RBM6: variants seen among roughly 807,000 people sequenced by gnomAD.
The protein encoded by RBM6 is RNA binding motif protein 6.
In RBM6, 23 loss-of-function variants were observed where a neutral mutation model predicts 140.4. The observed-to-expected ratio is 0.16, with a 90% CI of 0.12 to 0.23. The LOEUF is 0.23. RBM6 is among the 10% of genes least tolerant of loss of function. The pLI, the probability that RBM6 is intolerant of heterozygous loss-of-function variation, is 1.00. For synonymous variants in RBM6, 439 were observed against 475.6 expected, an observed-to-expected ratio of 0.92 and a Z score of 1.00; for missense variants, 1,139 against 1,386.7, an observed-to-expected ratio of 0.82 and a Z score of 2.84.
chr3:50,059,773 G>A (rs764828610), intron 11 of RBM6, 27 bp downstream of exon 11: 30 of 1,561,014 alleles, frequency 1.9e-5, no homozygotes, highest in Non-Finnish European at 2.5e-5. Flanking sequence ...AGGATCTCTT[G>A]TGCTGCCCCC....
At chr3:50,066,194 CA>C in intron 16 of RBM6, 47 bp from the exon 17 acceptor site, 1 of 1,550,126 alleles carries the variant, frequency 6.5e-7, no homozygotes, top group Admixed American at 2.0e-5. Context: ...AAATGGACCC[CA>C]AAATATAGGT....
intron 6 of RBM6, among the ~76,000 whole-genome samples, chr3:50,001,711 A>G (rs1342937194): frequency 1.3e-5 from 2 of 152,116 alleles, no homozygotes; most frequent in African/African-American, 2.4e-5. Flanking sequence ...GGAGAGAAGA[A>G]AAAAGCTTCC....
chr3:50,037,212 C>T (rs1477281111), intron 6 of RBM6, among the ~76,000 whole-genome samples: 1 of 152,030 alleles, frequency 6.6e-6, no homozygotes, highest in African/African-American at 2.4e-5. Context: ...CCAGCCGGGG[C>T]ATCATAGGAA....
At chr3:50,074,814 CAG>C (rs996729493) in intron 19 of RBM6, among the ~76,000 whole-genome samples, 18 of 152,008 alleles carry the variant, frequency 1.2e-4, no homozygotes, top group African/African-American at 3.6e-4. Context: ...ATCAAGAGGA[CAG>C]AGATTTTATA....
At chr3:50,049,538 A>C (rs1170182090) in intron 7 of RBM6, among the ~76,000 whole-genome samples, 1 of 152,162 alleles carries the variant, frequency 6.6e-6, no homozygotes, top group Non-Finnish European at 1.5e-5. Context: ...GACACACTAA[A>C]AATGTTACAG....
At chr3:49,972,241 A>G in intron 4 of RBM6, 93 bp downstream of exon 4, 1 of 959,294 alleles carries the variant, frequency 1.0e-6, no homozygotes, top group Non-Finnish European at 1.6e-6. Flanking sequence ...AGAAGGTGCA[A>G]AGAAATGCAC....
At chr3:49,951,006 T>A (rs1295456440) in intron 1 of RBM6, among the ~76,000 whole-genome samples, 4 of 151,996 alleles carry the variant, frequency 2.6e-5, no homozygotes, top group Non-Finnish European at 5.9e-5. Flanking sequence ...AACTGAAAAA[T>A]TATTCAGTGT....
chr3:50,008,741 G>A (rs2086701925), intron 6 of RBM6, among the ~76,000 whole-genome samples: 1 of 151,894 alleles, frequency 6.6e-6, no homozygotes, highest in Non-Finnish European at 1.5e-5. Flanking sequence ...AGTAGAGATG[G>A]GGTTTCACCA....
At chr3:50,039,409 T>C (rs1360597486) in intron 6 of RBM6, among the ~76,000 whole-genome samples, 1 of 151,972 alleles carries the variant, frequency 6.6e-6, no homozygotes, top group African/African-American at 2.4e-5. Context: ...CCAGCTAATT[T>C]TGTACTTGTA....
At position 50,062,026 on chromosome 3, in the gene RBM6, C is replaced by G; in HGVS notation, c.2504C>G (p.Pro835Arg). 6.2e-7 allele frequency: 1 copy of G among 1,613,768 alleles called. No homozygotes were observed. Among genetic ancestry groups the G allele is most frequent in the Non-Finnish European group, 8.5e-7 (1 of 1,179,888 alleles). The change falls in exon 15 of 21, where the codon CCC (proline) becomes CGC (arginine). Residue 835 changes from proline to arginine, a missense_variant. Pro to Arg is a moderately radical substitution (Grantham distance 103). Coordinates refer to ENST00000266022, the MANE Select transcript of RBM6 (RefSeq NM_005777.3). ...GAAGAAGAGATCAAGGAAAAAAAAC[C>G]CACCAGTCAAGGAAAGTCAAGTAGC... ...PEEEEIKEKK[P>R]TSQGKSSSKK...
At chr3:49,998,318 C>T (rs1412336051) in intron 5 of RBM6, among the ~76,000 whole-genome samples, 1 of 152,072 alleles carries the variant, frequency 6.6e-6, no homozygotes, top group African/African-American at 2.4e-5. Context: ...ACTTTGTGGT[C>T]AAAATTATCA....
rs35482141 is a variant in RBM6, at chr3:49,965,852, C to T, written c.45-1618C>T. On this transcript the variant is annotated intron_variant, in intron 2 of 20. Coordinates refer to ENST00000266022, the MANE Select transcript of RBM6 (RefSeq NM_005777.3). Reference sequence around the variant, plus strand: ...TTACTTTAAGAAAGGGTTGGCCGGGCATGGTGGCTCACGCCTGTAACCCTA... The same window carrying T: ...TTACTTTAAGAAAGGGTTGGCCGGGTATGGTGGCTCACGCCTGTAACCCTA... 5.0e-3 allele frequency among the ~76,000 whole-genome samples: 754 copies of T among 152,222 alleles called. 8 individuals are homozygous for T. Among genetic ancestry groups the T allele is most frequent in the African/African-American group, 0.017 (706 of 41,544 alleles).
At chr3:49,941,957 A>C (rs1457539872) in intron 1 of RBM6, among the ~76,000 whole-genome samples, 1 of 151,728 alleles carries the variant, frequency 6.6e-6, no homozygotes, top group Non-Finnish European at 1.5e-5. Context: ...AAAATTAGCC[A>C]GGCGTGGTGG....
At chr3:49,941,374 C>A (rs1289077883) in intron 1 of RBM6, among the ~76,000 whole-genome samples, 2 of 152,022 alleles carry the variant, frequency 1.3e-5, no homozygotes, top group Admixed American at 6.6e-5. Flanking sequence ...AATTCTATTA[C>A]CAGGCCGAGC....
At chr3:49,946,482 C>T (rs1289448905) in intron 1 of RBM6, among the ~76,000 whole-genome samples, 5 of 150,160 alleles carry the variant, frequency 3.3e-5, no homozygotes, top group South Asian at 4.2e-4. Flanking sequence ...TCAGGTGACC[C>T]GCCAGCCTTG....
At chr3:49,965,264 T>C (rs2084455354) in intron 2 of RBM6, among the ~76,000 whole-genome samples, 1 of 152,186 alleles carries the variant, frequency 6.6e-6, no homozygotes, top group South Asian at 2.1e-4. Context: ...ATCCCATGAG[T>C]GTCTGATGAA....
At chr3:49,993,769 C>T (rs1212547277) in intron 5 of RBM6, among the ~76,000 whole-genome samples, 1 of 151,430 alleles carries the variant, frequency 6.6e-6, no homozygotes, top group Non-Finnish European at 1.5e-5. Flanking sequence ...TATAAGATTT[C>T]AAGGTGATGG....
intron 20 of RBM6, among the ~76,000 whole-genome samples, chr3:50,075,916 C>T (rs1393279431): frequency 1.3e-5 from 2 of 152,096 alleles, no homozygotes; most frequent in African/African-American, 4.8e-5. Context: ...GCAATCATAG[C>T]ATCACCACCC....
At chr3:49,964,924 G>GT (rs1350003650) in intron 2 of RBM6, among the ~76,000 whole-genome samples, 34 of 152,080 alleles carry the variant, frequency 2.2e-4, no homozygotes, top group Non-Finnish European at 4.6e-4. Context: ...ATTATATGCT[G>GT]TTTTTTAACA....
Sources: gnomAD v4.1 joint callset for allele counts (sites outside exome capture counted in the v4.1 genomes callset) on GRCh38, gnomAD v4.1.1 for gene constraint, MANE v1.5 for transcripts, NCBI Gene and HGNC (gene_info 2026-07-23, HGNC 2026-07-21) for gene names.